Variants in KIAA0930 observed in about 807,000 individuals in gnomAD.
KIAA0930 encodes KIAA0930, also known as uncharacterized protein KIAA0930.
In KIAA0930, 24 loss-of-function variants were observed where a neutral mutation model predicts 43.9. That is an observed-to-expected ratio of 0.55 (90% confidence interval 0.40 to 0.77). The LOEUF (loss-of-function observed/expected upper bound fraction) is 0.77. Among genes scored for constraint, KIAA0930 ranks in the 30% least tolerant of loss-of-function variants. The probability of loss-of-function intolerance (pLI) is 0.00; values close to 1 mark genes in which losing one functional copy is unlikely to be tolerated. For synonymous variants in KIAA0930, 259 were observed against 216.4 expected, an observed-to-expected ratio of 1.20 and a Z score of -1.73; for missense variants, 461 against 574.2, an observed-to-expected ratio of 0.80 and a Z score of 2.02.
chr22:45,237,150 G>A (rs932886900), intron 1 of KIAA0930, among the ~76,000 whole-genome samples: 5 of 152,240 alleles, frequency 3.3e-5, no homozygotes, highest in African/African-American at 4.8e-5. Flanking sequence ...TGTCTGCATC[G>A]CACACCTGGG....
At chr22:45,218,051 G>A (rs947070503) in intron 1 of KIAA0930, among the ~76,000 whole-genome samples, 1 of 152,226 alleles carries the variant, frequency 6.6e-6, no homozygotes, top group Admixed American at 6.5e-5. Context: ...GGTTCTGCAC[G>A]ACGCTGGACT....
At chr22:45,237,589 C>T (rs1001737643) in intron 1 of KIAA0930, among the ~76,000 whole-genome samples, 1 of 152,230 alleles carries the variant, frequency 6.6e-6, no homozygotes, top group Non-Finnish European at 1.5e-5. Context: ...ACCTGAGGCT[C>T]CCTTGACACC....
chr22:45,237,695 A>G (rs186219188), intron 1 of KIAA0930, among the ~76,000 whole-genome samples: 2 of 152,314 alleles, frequency 1.3e-5, no homozygotes, highest in East Asian at 3.9e-4. Flanking sequence ...TCATTCATAA[A>G]TCTAACAGGC....
chr22:45,203,300 G>T, intron 6 of KIAA0930, 116 bp from the exon 7 acceptor site: 1 of 1,074,150 alleles, frequency 9.3e-7, no homozygotes, highest in Non-Finnish European at 1.3e-6. Flanking sequence ...GGCTGCCCGG[G>T]AGGGAGCGTC....
intron 1 of KIAA0930, among the ~76,000 whole-genome samples, chr22:45,223,221 G>A (rs1276370892): frequency 6.6e-6 from 1 of 152,130 alleles, no homozygotes; most frequent in Non-Finnish European, 1.5e-5. Context: ...AATTAAAAAA[G>A]ATTGAAGCAA....
At chr22:45,210,532 C>G (rs1031946622) in intron 2 of KIAA0930, among the ~76,000 whole-genome samples, 5 of 152,174 alleles carry the variant, frequency 3.3e-5, no homozygotes, top group Non-Finnish European at 7.3e-5. Flanking sequence ...GGGCACCTGC[C>G]CTGATCCCCT....
Position 45,198,533 on chromosome 22 carries a change from C to T in KIAA0930, c.1016-585G>A, listed in dbSNP as rs557879456. ...CAGGGCCTTGAGCAGGTGGGACACCCCTGCTTCTTGGTCCCAGTGGTCAGG... is the reference window on the plus strand; with the variant it reads ...CAGGGCCTTGAGCAGGTGGGACACCTCTGCTTCTTGGTCCCAGTGGTCAGG... On this transcript the variant is annotated intron_variant, in intron 8 of 9. Transcript: ENST00000336156. 5.3e-5 allele frequency among the ~76,000 whole-genome samples: 8 copies of T among 152,376 alleles called. No homozygotes were observed. The East Asian group carries it at 1.5e-3, about 29-fold the overall frequency.
chr22:45,200,130 A>G (rs1345546764), intron 7 of KIAA0930, 95 bp from the exon 8 acceptor site: 1 of 1,275,574 alleles, frequency 7.8e-7, no homozygotes, highest in Non-Finnish European at 1.1e-6. Context: ...ACAACCTGAC[A>G]CAGCTCCCAG....
intron 2 of KIAA0930, among the ~76,000 whole-genome samples, chr22:45,208,168 C>T (rs535512999): frequency 6.6e-6 from 1 of 152,330 alleles, no homozygotes; most frequent in Admixed American, 6.5e-5. Context: ...CGCCATGGTA[C>T]ACTCTGCAGG....
Position 45,197,062 on chromosome 22 carries a change from G to A in KIAA0930, c.*114C>T. The A allele has an allele frequency of 2.2e-6, 2 of 918,416 alleles. No homozygotes were observed. The highest frequency in any genetic ancestry group is 3.8e-5 in the South Asian group (2 of 52,358). The allele number at this position is 918,416 out of a possible 1,614,324, so 56.9% of individuals were successfully genotyped here. On this transcript the variant is annotated 3_prime_UTR_variant, in exon 10 of 10. Coordinates refer to ENST00000336156, the MANE Select transcript of KIAA0930 (RefSeq NM_001009880.2). ...GGGAGTCGAGTGGCCTCGCCTGGCT[G>A]CGGCTCCAGCACTGGCGTGCCATCG...
rs573431673 is a variant in KIAA0930, at chr22:45,204,136, C to T, written c.517-151G>A. 34 of 1,001,896 alleles carry T rather than the reference C, an allele frequency of 3.4e-5. No homozygotes were observed. In the South Asian group the frequency reaches 3.8e-4, roughly 11 times the overall value. 62.1% of individuals were successfully genotyped at this position (1,001,896 alleles called of 1,614,324 possible). A position where few individuals can be genotyped will look rare whatever the true frequency, so the allele number is the denominator to read the frequency against. ...CACACTCCTGTGGCCCCATGCCCTC[C>T]GAGCCCCACAGGACAAGAACAGCCT... is the stretch of plus-strand genomic sequence containing the variant. On this transcript the variant is annotated intron_variant, in intron 5 of 9. Coordinates refer to ENST00000336156, the MANE Select transcript of KIAA0930 (RefSeq NM_001009880.2).
At chr22:45,220,877 G>A (rs1455660123) in intron 1 of KIAA0930, among the ~76,000 whole-genome samples, 4 of 148,798 alleles carry the variant, frequency 2.7e-5, no homozygotes, top group Non-Finnish European at 4.5e-5. Context: ...CACTGTGCCC[G>A]GCCCCCCCAA....
At chr22:45,219,581 T>C (rs1406754946) in intron 1 of KIAA0930, among the ~76,000 whole-genome samples, 1 of 132,092 alleles carries the variant, frequency 7.6e-6, no homozygotes, top group Non-Finnish European at 1.6e-5. Flanking sequence ...AAGAGGTGAT[T>C]GTTTTTTTTT....
At position 45,219,581 on chromosome 22, in the gene KIAA0930, TG is replaced by T. The variant is rs1175874704; in HGVS notation, c.65-7475del. 2.1e-3 allele frequency among the ~76,000 whole-genome samples: 280 copies of T among 132,068 alleles called. 1 individual carries two copies. The highest frequency in any genetic ancestry group is 6.0e-3 in the South Asian group (24 of 4,018). The allele number at this position is 132,068 out of a possible 152,430, so 86.6% of individuals were successfully genotyped here. On this transcript the variant is annotated intron_variant, in intron 1 of 9. Transcript: ENST00000336156. ...TTAACACAGCAGGCCAAGAGGTGAT[TG>T]TTTTTTTTTTTTTTTTTTTTTTTTT...
At chr22:45,198,081 C>G (rs981170803) in intron 8 of KIAA0930, 133 bp from the exon 9 acceptor site, 6 of 791,988 alleles carry the variant, frequency 7.6e-6, no homozygotes, top group African/African-American at 1.7e-5. Context: ...ACCCCCACAC[C>G]AGCACCCACA....
intron 1 of KIAA0930, 153 bp from the exon 2 acceptor site, chr22:45,212,260 C>G: frequency 5.6e-6 from 9 of 1,613,004 alleles, no homozygotes; most frequent in Non-Finnish European, 7.6e-6. Flanking sequence ...ACTCCCGACC[C>G]CCACCCATGG....
intron 7 of KIAA0930, among the ~76,000 whole-genome samples, chr22:45,200,569 A>G (rs1374774892): frequency 2.0e-5 from 3 of 152,128 alleles, no homozygotes; most frequent in Non-Finnish European, 4.4e-5. Context: ...CTCAGGGCTG[A>G]CGTGGCCCCA....
At chr22:45,200,162 A>AGGACCC in intron 7 of KIAA0930, 127 bp from the exon 8 acceptor site, 1 of 971,910 alleles carries the variant, frequency 1.0e-6, no homozygotes, top group East Asian at 3.1e-5. Flanking sequence ...CTGGCCCAGG[A>AGGACCC]GGACCCAGGC....
At chr22:45,235,789 T>A (rs542397825) in intron 1 of KIAA0930, among the ~76,000 whole-genome samples, 1 of 152,180 alleles carries the variant, frequency 6.6e-6, no homozygotes, top group African/African-American at 2.4e-5. Flanking sequence ...ATTTGTGGTC[T>A]CCAGTCTACA....
Sources: allele counts gnomAD v4.1 joint callset (sites outside exome capture counted in the v4.1 genomes callset), GRCh38; gene constraint gnomAD v4.1.1; transcripts MANE v1.5; gene names NCBI Gene and HGNC (gene_info 2026-07-23, HGNC 2026-07-21).